The following ZMPSTE24 variants were observed in gnomAD, a reference collection of about 807,000 sequenced individuals.
ZMPSTE24 encodes the protein CAAX prenyl protease 1 homolog.
Under a neutral mutation model 56.7 loss-of-function variants are expected in ZMPSTE24, and 48 were observed. The ratio of observed to expected loss-of-function variants is 0.85; its 90% CI spans 0.67 to 1.08. The LOEUF (loss-of-function observed/expected upper bound fraction) is 1.08. ZMPSTE24 is among the 50% of genes least tolerant of loss of function. The pLI is 0.00. For synonymous variants in ZMPSTE24, 172 were observed against 195.2 expected (o/e 0.88, Z 0.99); for missense variants, 503 against 548.7 (o/e 0.92, Z 0.83).
At chr1:40,289,859 A>C (rs1643822826) in intron 8 of ZMPSTE24, among the ~76,000 whole-genome samples, 1 of 152,024 alleles carries the variant, frequency 6.6e-6, no homozygotes, top group African/African-American at 2.4e-5. Flanking sequence ...GTTTCTTTGG[A>C]GCCTCCGCTT....
intron 2 of ZMPSTE24, among the ~76,000 whole-genome samples, chr1:40,264,273 G>A (rs945604842): frequency 6.6e-6 from 1 of 152,174 alleles, no homozygotes; most frequent in Non-Finnish European, 1.5e-5. Context: ...GGTGGAGGCT[G>A]CAGTGAGCTG....
chr1:40,261,320 G>T (rs1260755347), intron 2 of ZMPSTE24, among the ~76,000 whole-genome samples: 1 of 151,968 alleles, frequency 6.6e-6, no homozygotes, highest in East Asian at 1.9e-4. Context: ...TCCTGTCAGA[G>T]TACTTATCTC....
Position 40,291,007 on chromosome 1 carries a change from G to T in ZMPSTE24, c.1203+10G>T. 6.2e-7 allele frequency: 1 copy of T among 1,613,346 alleles called. No individual in the cohort carries two copies. The highest frequency in any genetic ancestry group is 1.1e-5 in the South Asian group (1 of 90,966). The stretch of plus-strand genomic sequence containing the variant: ...TTCACCTTACAATGAGGTAATGTAT[G>T]ATCTTTAAAATTATCACACATATGC... On this transcript the variant is annotated intron_variant, in intron 9 of 9. Transcript: ENST00000372759.
intron 7 of ZMPSTE24, among the ~76,000 whole-genome samples, chr1:40,283,333 T>C (rs1003319537): frequency 6.6e-6 from 1 of 151,810 alleles, no homozygotes; most frequent in Non-Finnish European, 1.5e-5. Flanking sequence ...ACGAAACCCC[T>C]GTCTCTACAA....
intron 8 of ZMPSTE24, among the ~76,000 whole-genome samples, chr1:40,287,396 T>C (rs1053593845): frequency 6.6e-6 from 1 of 152,116 alleles, no homozygotes; most frequent in Non-Finnish European, 1.5e-5. Context: ...TTAAAAGTTA[T>C]TGCCGGCGTG....
intron 8 of ZMPSTE24, among the ~76,000 whole-genome samples, chr1:40,287,125 G>A (rs1457907073): frequency 6.6e-6 from 1 of 150,462 alleles, no homozygotes; most frequent in East Asian, 2.0e-4. Context: ...AGAATGCAGT[G>A]GCGTGATCTC....
rs144787725 is a variant in ZMPSTE24, at chr1:40,260,871, A to T, written c.156A>T (p.Pro52=). The part of the protein sequence containing the change: ...RRIYKTTTHV[P]PELGQIMDSE... ...TATATAAAACAACAACTCATGTACC[A>T]CCGGAGTTAGGACAGATCATGGATT... The change falls in exon 2 of 10, where the codon CCA becomes CCT. Residue 52 remains proline, a synonymous_variant. Transcript: ENST00000372759. 2 of 1,613,986 alleles carry T rather than the reference A, an allele frequency of 1.2e-6. No homozygotes were observed. The highest frequency in any genetic ancestry group is 1.3e-5 in the African/African-American group (1 of 74,948).
intron 8 of ZMPSTE24, among the ~76,000 whole-genome samples, chr1:40,288,741 C>T (rs1643810258): frequency 6.6e-6 from 1 of 152,146 alleles, no homozygotes; most frequent in South Asian, 2.1e-4. Flanking sequence ...ACTCTATAGT[C>T]CAAACAGTAA....
intron 8 of ZMPSTE24, among the ~76,000 whole-genome samples, 198 bp downstream of exon 8, chr1:40,286,227 G>C (rs1643785900): frequency 6.6e-6 from 1 of 152,094 alleles, no homozygotes; most frequent in South Asian, 2.1e-4. Flanking sequence ...CTCATTGAAT[G>C]ATAATACCTC....
intron 6 of ZMPSTE24, among the ~76,000 whole-genome samples, chr1:40,273,537 A>AAAAAAAATATATATAT (rs1224234676): frequency 2.4e-4 from 3 of 12,386 alleles, no homozygotes; most frequent in Non-Finnish European, 4.0e-4. Context: ...AAAAAAAAAA[A>AAAAAAAATATATATAT]ATATATATAT....
At chr1:40,271,004 T>C (rs1203285753) in intron 5 of ZMPSTE24, among the ~76,000 whole-genome samples, 1 of 152,220 alleles carries the variant, frequency 6.6e-6, no homozygotes, top group East Asian at 1.9e-4. Flanking sequence ...AAGTGGTCTG[T>C]TCAGTGCACC....
At chr1:40,265,978 A>T (rs1206023653) in intron 2 of ZMPSTE24, among the ~76,000 whole-genome samples, 1 of 152,222 alleles carries the variant, frequency 6.6e-6, no homozygotes, top group Non-Finnish European at 1.5e-5. Flanking sequence ...ACACTGGAGT[A>T]CTGCTGATGG....
intron 6 of ZMPSTE24, among the ~76,000 whole-genome samples, chr1:40,272,687 T>C (rs985885327): frequency 7.2e-5 from 11 of 152,214 alleles, no homozygotes; most frequent in Non-Finnish European, 1.5e-5. Context: ...AGTTGACTAT[T>C]AAAGTCTCAA....
intron 7 of ZMPSTE24, among the ~76,000 whole-genome samples, chr1:40,283,651 T>C (rs1643753722): frequency 6.6e-6 from 1 of 152,228 alleles, no homozygotes; most frequent in African/African-American, 2.4e-5. Context: ...TCTACCATGT[T>C]ATATGCATCA....
rs375919843 is a variant in ZMPSTE24, at chr1:40,267,474, G to C, written c.271-312G>C. On this transcript the variant is annotated intron_variant, in intron 2 of 9. Transcript: ENST00000372759. ...TGACTTCCCAGGCTCAGGCAATCCT[G>C]TCACCTCAGTCCCCCAAGTAGCTGG... Among the ~76,000 whole-genome samples the C allele has an allele frequency of 7.9e-5, 12 of 151,336 alleles. 1 individual carries two copies. Among genetic ancestry groups the C allele is most frequent in the East Asian group, 3.9e-4 (2 of 5,156 alleles).
intron 8 of ZMPSTE24, 166 bp from the exon 9 acceptor site, chr1:40,290,688 T>A (rs1186298411): frequency 2.9e-5 from 18 of 625,884 alleles, no homozygotes; most frequent in Non-Finnish European, 4.9e-5. Context: ...GGTCTCAATC[T>A]CCTGACCTCG....
intron 6 of ZMPSTE24, among the ~76,000 whole-genome samples, chr1:40,280,059 T>A (rs760530069): frequency 4.6e-5 from 7 of 152,196 alleles, no homozygotes; most frequent in Non-Finnish European, 7.4e-5. Context: ...TGATTTTTTT[T>A]AATTTTTATT....
Position 40,260,386 on chromosome 1 carries a change from T to G in ZMPSTE24, c.124-453T>G, listed in dbSNP as rs541422918. Among the ~76,000 whole-genome samples the G allele has an allele frequency of 2.4e-3, 372 of 152,290 alleles. 1 individual carries two copies. The highest frequency in any genetic ancestry group is 4.2e-3 in the Non-Finnish European group (287 of 68,026). ...GAAAATTGGTCTTTTCTCACAGACCTGATATGTTTCCATCTGGTGATCCTC... is the reference window on the plus strand; with the variant it reads ...GAAAATTGGTCTTTTCTCACAGACCGGATATGTTTCCATCTGGTGATCCTC... On this transcript the variant is annotated intron_variant, in intron 1 of 9. Coordinates refer to ENST00000372759, the MANE Select transcript of ZMPSTE24 (RefSeq NM_005857.5).
At position 40,270,112 on chromosome 1, in the gene ZMPSTE24, AT is replaced by A; in HGVS notation, c.614del (p.Leu205Ter). On this transcript the variant is annotated frameshift_variant, in exon 5 of 10. Coordinates refer to ENST00000372759, the MANE Select transcript of ZMPSTE24 (RefSeq NM_005857.5). LOFTEE classifies it high-confidence loss of function. ...TTTTTATTTATGCCTGGCTGTTCAC[AT>A]TAGTTGTGTCTCTGGTGAGTAAAAT... ...YFFIYAWLFT[L>X]VVSLVLVTIY... is the part of the protein sequence containing the mutation. 1 of 1,613,948 alleles carries A rather than the reference AT, an allele frequency of 6.2e-7. No homozygotes were observed. The highest frequency in any genetic ancestry group is 8.5e-7 in the Non-Finnish European group (1 of 1,179,952).
Sources: allele counts gnomAD v4.1 joint callset (sites outside exome capture counted in the v4.1 genomes callset), GRCh38; gene constraint gnomAD v4.1.1; transcripts MANE v1.5; gene names NCBI Gene and HGNC (gene_info 2026-07-23, HGNC 2026-07-21).